GABRG1: variants seen among roughly 807,000 people sequenced by gnomAD.
The protein encoded by GABRG1 is gamma-aminobutyric acid type A receptor subunit gamma1, also known as gamma-aminobutyric acid receptor subunit gamma-1.
GABRG1 carries 49 observed loss-of-function variants against 49.8 expected under a neutral mutation model. That is an observed-to-expected ratio of 0.98 (90% CI 0.78 to 1.25). GABRG1 has a LOEUF of 1.25. Ranked by LOEUF, GABRG1 falls within the 50% of genes most tolerant of loss-of-function variation. The probability of loss-of-function intolerance (pLI) is 0.00; values close to 1 mark genes in which losing one functional copy is unlikely to be tolerated. For missense variants in GABRG1, 552 were observed against 552.3 expected, an observed-to-expected ratio of 1.00 and a Z score of 0.01; for synonymous variants, 232 against 185.1, an observed-to-expected ratio of 1.25 and a Z score of -2.06.
intron 2 of GABRG1, among the ~76,000 whole-genome samples, chr4:46,090,202 G>C (rs1047255598): frequency 2.2e-4 from 34 of 152,012 alleles, no homozygotes; most frequent in South Asian, 8.3e-4. Context: ...CAGATGCACA[G>C]AAAAAAATGC....
intron 2 of GABRG1, among the ~76,000 whole-genome samples, chr4:46,092,321 A>C (rs1249843604): frequency 2.0e-5 from 3 of 152,166 alleles, no homozygotes; most frequent in African/African-American, 7.2e-5. Flanking sequence ...TGGACATAAT[A>C]GCAAAATGAC....
At chr4:46,052,380 T>C (rs1319239220) in intron 7 of GABRG1, among the ~76,000 whole-genome samples, 4 of 151,932 alleles carry the variant, frequency 2.6e-5, no homozygotes, top group Non-Finnish European at 4.4e-5. Flanking sequence ...TATAATAACC[T>C]GAGTTAAACC....
At chr4:46,104,034 C>T (rs1285295076) in intron 1 of GABRG1, among the ~76,000 whole-genome samples, 1 of 151,180 alleles carries the variant, frequency 6.6e-6, no homozygotes. Flanking sequence ...TCTTCATGTC[C>T]TACTCCTTAT....
intron 5 of GABRG1, among the ~76,000 whole-genome samples, chr4:46,061,380 A>G (rs1225447364): frequency 6.6e-6 from 1 of 152,134 alleles, no homozygotes; most frequent in Non-Finnish European, 1.5e-5. Flanking sequence ...TTAGTAAGTG[A>G]AGAAGTAGGG....
chr4:46,062,173 A>G (rs1294498708), intron 5 of GABRG1, among the ~76,000 whole-genome samples: 1 of 151,556 alleles, frequency 6.6e-6, no homozygotes, highest in African/African-American at 2.4e-5. Context: ...GATGATTTCC[A>G]ATTTCATCCA....
chr4:46,117,776 A>G (rs867343193), intron 1 of GABRG1, among the ~76,000 whole-genome samples: 1 of 141,228 alleles, frequency 7.1e-6, no homozygotes, highest in Non-Finnish European at 1.5e-5. Flanking sequence ...ATACATATAT[A>G]CATACATGTA....
intron 1 of GABRG1, among the ~76,000 whole-genome samples, chr4:46,121,978 T>C (rs533545028): frequency 6.6e-6 from 1 of 152,196 alleles, no homozygotes; most frequent in South Asian, 2.1e-4. Flanking sequence ...ATTGACTTAT[T>C]TCATGTTTCA....
At chr4:46,112,561 A>G (rs530070854) in intron 1 of GABRG1, among the ~76,000 whole-genome samples, 2 of 151,508 alleles carry the variant, frequency 1.3e-5, no homozygotes, top group East Asian at 3.9e-4. Flanking sequence ...ACTGTTCACA[A>G]CAGCAAAGTG....
intron 1 of GABRG1, among the ~76,000 whole-genome samples, chr4:46,115,966 T>G (rs1190292404): frequency 6.6e-6 from 1 of 150,860 alleles, no homozygotes; most frequent in Admixed American, 6.6e-5. Context: ...ATAAAACAGA[T>G]TTTTTTCTTA....
chr4:46,103,152 T>C (rs564282383), intron 1 of GABRG1, among the ~76,000 whole-genome samples: 5 of 151,696 alleles, frequency 3.3e-5, no homozygotes, highest in African/African-American at 1.2e-4. Context: ...CATTAATCTG[T>C]TAAGAAACCA....
At chr4:46,076,932 A>C (rs1406303072) in intron 3 of GABRG1, among the ~76,000 whole-genome samples, 2 of 151,790 alleles carry the variant, frequency 1.3e-5, no homozygotes, top group African/African-American at 4.8e-5. Context: ...ATGGTGGCTA[A>C]AATATTTAAT....
At chr4:46,081,633 A>T (rs969315295) in intron 3 of GABRG1, among the ~76,000 whole-genome samples, 1 of 152,020 alleles carries the variant, frequency 6.6e-6, no homozygotes, top group Non-Finnish European at 1.5e-5. Flanking sequence ...TTGAATAAAT[A>T]AAATGAAGAG....
chr4:46,088,473 C>T (rs1719862591), intron 2 of GABRG1, among the ~76,000 whole-genome samples: 1 of 151,786 alleles, frequency 6.6e-6, no homozygotes, highest in Admixed American at 6.6e-5. Context: ...AAATGTTGTA[C>T]ACCATTTTAG....
intron 1 of GABRG1, among the ~76,000 whole-genome samples, chr4:46,119,465 T>A (rs766135945): frequency 6.6e-6 from 1 of 151,528 alleles, no homozygotes; most frequent in Non-Finnish European, 1.5e-5. Context: ...TTCACAAAAA[T>A]GTTTTTCCCC....
chr4:46,060,091 C>T (rs1357142653), intron 5 of GABRG1, among the ~76,000 whole-genome samples: 2 of 152,054 alleles, frequency 1.3e-5, no homozygotes, highest in African/African-American at 4.8e-5. Flanking sequence ...CTGTTTCTGG[C>T]TTGTATCAGG....
chr4:46,094,628 A>G (rs1720108702), intron 2 of GABRG1, among the ~76,000 whole-genome samples: 2 of 151,978 alleles, frequency 1.3e-5, no homozygotes, highest in Non-Finnish European at 2.9e-5. Flanking sequence ...TGAGGTTAGG[A>G]AATAGTATAG....
chr4:46,124,023 A>G lies in GABRG1; in HGVS notation c.-110T>C. The G allele has an allele frequency of 1.3e-6, 1 of 760,784 alleles. No individual in the cohort carries two copies. Among genetic ancestry groups the G allele is most frequent in the Non-Finnish European group, 2.2e-6 (1 of 449,876 alleles). 47.1% of individuals were successfully genotyped at this position (760,784 alleles called of 1,614,324 possible). A position where few individuals can be genotyped will look rare whatever the true frequency, so the allele number is the denominator to read the frequency against. On this transcript the variant is annotated 5_prime_UTR_variant, in exon 1 of 9. Coordinates refer to ENST00000295452, the MANE Select transcript of GABRG1 (RefSeq NM_173536.4). Reference sequence around the variant, plus strand: ...TACAGAAGGGAGAGTGTGGAAAGGCAGTGCACCTCCCAAACAGGTAGGATG... The same window carrying G: ...TACAGAAGGGAGAGTGTGGAAAGGCGGTGCACCTCCCAAACAGGTAGGATG...
chr4:46,058,440 T>A, intron 6 of GABRG1, 45 bp downstream of exon 6: 1 of 1,597,806 alleles, frequency 6.3e-7, no homozygotes, highest in East Asian at 2.2e-5. Context: ...AATAAAAATG[T>A]CATTTAATGC....
chr4:46,116,948 G>A (rs909115861), intron 1 of GABRG1, among the ~76,000 whole-genome samples: 1 of 150,336 alleles, frequency 6.7e-6, no homozygotes, highest in African/African-American at 2.4e-5. Flanking sequence ...TATTACACGT[G>A]CTGGAAAATT....
Sources: allele counts gnomAD v4.1 joint callset (sites outside exome capture counted in the v4.1 genomes callset), GRCh38; gene constraint gnomAD v4.1.1; transcripts MANE v1.5; gene names NCBI Gene and HGNC (gene_info 2026-07-23, HGNC 2026-07-21).